MAPK8IP2: variants seen among roughly 807,000 people sequenced by gnomAD.
MAPK8IP2 encodes the protein mitogen-activated protein kinase 8 interacting protein 2.
MAPK8IP2 carries 15 observed loss-of-function variants against 75.6 expected under a neutral mutation model. That is an observed-to-expected ratio of 0.20 (90% CI 0.13 to 0.31). The LOEUF (loss-of-function observed/expected upper bound fraction) is 0.31. Ranked by LOEUF, MAPK8IP2 falls within the 10% of genes least tolerant of loss-of-function variation. The probability of loss-of-function intolerance (pLI) is 1.00; values close to 1 mark genes in which losing one functional copy is unlikely to be tolerated. For synonymous variants in MAPK8IP2, 632 were observed against 554.5 expected (o/e 1.14, Z -1.96); for missense variants, 1,089 against 1,211.2 (o/e 0.90, Z 1.50).
In MAPK8IP2 at chr22:50,600,828, C is replaced by T; in HGVS notation, c.10C>T (p.Arg4Cys). ...GCCTCTCCCGGAGAAGATGGCGGATCGCGCGGAGATGTTTTCTCTCTCCAC... is the reference window on the plus strand; with the variant it reads ...GCCTCTCCCGGAGAAGATGGCGGATTGCGCGGAGATGTTTTCTCTCTCCAC... The part of the protein sequence containing the change: MAD[R>C]AEMFSLSTFH... The change falls in exon 1 of 12, where the codon CGC becomes TGC. Residue 4 changes from arginine to cysteine, a missense_variant. By Grantham distance (180) the Arg-to-Cys change is radical. This residue lies in a region of MAPK8IP2 where 960 missense variants were observed against 1,009.6 expected (regional missense o/e 0.95). Coordinates refer to ENST00000329492, the MANE Select transcript of MAPK8IP2 (RefSeq NM_012324.6). 1 of 1,297,116 alleles carries T rather than the reference C, an allele frequency of 7.7e-7. No individual in the cohort carries two copies. Among genetic ancestry groups the T allele is most frequent in the Admixed American group, 2.7e-5 (1 of 37,648 alleles). The allele number at this position is 1,297,116 out of a possible 1,614,324, so 80.4% of individuals were successfully genotyped here. A position where few individuals can be genotyped will look rare whatever the true frequency, so the allele number is the denominator to read the frequency against.
At chr22:50,606,579 G>A in intron 8 of MAPK8IP2, 79 bp from the exon 9 acceptor site, 4 of 956,418 alleles carry the variant, frequency 4.2e-6, no homozygotes, top group Non-Finnish European at 6.6e-6. Flanking sequence ...AAAAGGAGCA[G>A]AGGCGTAGTC....
In MAPK8IP2 at chr22:50,613,190, C is replaced by T. The variant is rs2071178427; in HGVS notation, c.*2411C>T. ...ACCACTGGGCAGATCCAGCTGACCT[C>T]CAGGGGCACTTCCTCGGCTCATCAC... On this transcript the variant is annotated 3_prime_UTR_variant, in exon 12 of 12. Coordinates refer to ENST00000329492, the MANE Select transcript of MAPK8IP2 (RefSeq NM_012324.6). 6.6e-6 allele frequency: 1 copy of T among 152,340 alleles called. No individual in the cohort carries two copies. The highest frequency in any genetic ancestry group is 2.4e-5 in the African/African-American group (1 of 41,440). The allele number at this position is 152,340 out of a possible 1,614,324, so 9.4% of individuals were successfully genotyped here. A position where few individuals can be genotyped will look rare whatever the true frequency, so the allele number is the denominator to read the frequency against.
intron 4 of MAPK8IP2, 37 bp downstream of exon 4, chr22:50,603,756 G>A (rs1410752154): frequency 1.3e-6 from 2 of 1,547,808 alleles, no homozygotes; most frequent in South Asian, 2.4e-5. Flanking sequence ...CGGGGAAGCG[G>A]GGGAGGAGGG....
chr22:50,603,104 G>A (rs758363734), intron 2 of MAPK8IP2, 119 bp from the exon 3 acceptor site: 4 of 1,578,334 alleles, frequency 2.5e-6, no homozygotes, highest in Middle Eastern at 1.7e-4. Context: ...GAGGGGCAGA[G>A]TGAGCTGGAA....
intron 10 of MAPK8IP2, among the ~76,000 whole-genome samples, chr22:50,608,733 C>T (rs2071093697): frequency 6.9e-6 from 1 of 145,712 alleles, no homozygotes; most frequent in African/African-American, 2.6e-5. Context: ...GGGCGCAGAC[C>T]AGACAGTGGG....
intron 8 of MAPK8IP2, 110 bp downstream of exon 8, chr22:50,606,044 C>T (rs964391629): frequency 1.1e-6 from 1 of 917,662 alleles, no homozygotes. Flanking sequence ...CTGATTTCCT[C>T]CAGGGAGGGT....
rs131736 is a variant in MAPK8IP2 at position 50,607,005 on chromosome 22, C to T, written c.2303+14C>T. 0.63 allele frequency: 1,013,285 copies of T among 1,608,396 alleles called. 322,437 individuals are homozygous for T. The highest frequency in any genetic ancestry group is 0.81 in the East Asian group (36,494 of 44,844). ...CCGCAACAGCTGGTGAGAGTCTGAC[C>T]GTCCCCGAGTCCCCCAACCGCCCCC... is the stretch of plus-strand genomic sequence containing the variant. On this transcript the variant is annotated intron_variant, in intron 10 of 11. Coordinates refer to ENST00000329492, the MANE Select transcript of MAPK8IP2 (RefSeq NM_012324.6). This position sits in a 1 kb window ranked among gnomAD's most constrained non-coding sequence, Gnocchi z 5.6.
At chr22:50,606,067 G>T (rs73172271) in intron 8 of MAPK8IP2, 133 bp downstream of exon 8, 25,188 of 762,548 alleles carry the variant, frequency 0.033, 516 homozygotes, top group Non-Finnish European at 0.041. Context: ...GGGGGATGCT[G>T]CAGGGGGAGC....
In MAPK8IP2 at chr22:50,613,772, C is replaced by G. The variant is rs2071185504; in HGVS notation, c.*2993C>G. 1 of 152,278 alleles carries G rather than the reference C, an allele frequency of 6.6e-6. No individual in the cohort carries two copies. The highest frequency in any genetic ancestry group is 2.1e-4 in the South Asian group (1 of 4,836). 9.4% of individuals were successfully genotyped at this position (152,278 alleles called of 1,614,324 possible). On this transcript the variant is annotated 3_prime_UTR_variant, in exon 12 of 12. Coordinates refer to ENST00000329492, the MANE Select transcript of MAPK8IP2 (RefSeq NM_012324.6). Reference sequence around the variant, plus strand: ...TCCCGTCCTTGTGGGCGCTCCCGGGCCCTGGTCTCGGGCCTTCTGAGGACT... The same window carrying G: ...TCCCGTCCTTGTGGGCGCTCCCGGGGCCTGGTCTCGGGCCTTCTGAGGACT...
chr22:50,604,659 G>A lies in MAPK8IP2; in HGVS notation c.1360G>A (p.Gly454Ser). The A allele has an allele frequency of 2.0e-6, 3 of 1,520,998 alleles. No homozygotes were observed. The highest frequency in any genetic ancestry group is 2.6e-6 in the Non-Finnish European group (3 of 1,139,308). The allele number at this position is 1,520,998 out of a possible 1,614,324, so 94.2% of individuals were successfully genotyped here. ...DTITPLWAAPGRAARPGRACS... is the reference protein window; with the variant it reads ...DTITPLWAAPSRAARPGRACS... ...CATCACGCCGCTGTGGGCCGCGCCC[G>A]GCCGCGCCGCCCGCCCGGGACGAGC... The change falls in exon 5 of 12, where the codon GGC becomes AGC. Residue 454 changes from glycine to serine, a missense_variant. Gly to Ser is a moderately conservative substitution (Grantham distance 56, BLOSUM62 0). Transcript: ENST00000329492.
In MAPK8IP2 at chr22:50,604,694, C is replaced by T. The variant is rs767572885; in HGVS notation, c.1395C>T (p.Ala465=). ...CCCGCCCGGGACGAGCCTGCTCCGCCGCCTGCTCCGAGGAGGAGGACGAAG... is the reference window on the plus strand; with the variant it reads ...CCCGCCCGGGACGAGCCTGCTCCGCTGCCTGCTCCGAGGAGGAGGACGAAG... ...RAARPGRACS[A]ACSEEEDEED... The change falls in exon 5 of 12, where the codon GCC becomes GCT. Residue 465 remains alanine, a synonymous_variant. Coordinates refer to ENST00000329492, the MANE Select transcript of MAPK8IP2 (RefSeq NM_012324.6). 99 of 1,526,418 alleles carry T rather than the reference C, an allele frequency of 6.5e-5. No homozygotes were observed. The highest frequency in any genetic ancestry group is 4.4e-4 in the African/African-American group (32 of 71,950). The allele number at this position is 1,526,418 out of a possible 1,614,324, so 94.6% of individuals were successfully genotyped here.
chr22:50,608,018 G>A (rs994477079), intron 10 of MAPK8IP2, among the ~76,000 whole-genome samples: 3 of 152,130 alleles, frequency 2.0e-5, no homozygotes, highest in Non-Finnish European at 2.9e-5. Flanking sequence ...GGCTGGAAAG[G>A]ACTTGCGGGG....
At chr22:50,605,792 C>T (rs763661403) in intron 7 of MAPK8IP2, 33 bp from the exon 8 acceptor site, 3 of 1,594,410 alleles carry the variant, frequency 1.9e-6, no homozygotes, top group South Asian at 2.3e-5. Flanking sequence ...TGTGCCCCTG[C>T]CTGACCTGGG....
Position 50,607,137 on chromosome 22 carries a change from G to T in MAPK8IP2, c.2303+146G>T, listed in dbSNP as rs1212826821. ...GCACCCACTTAGCTCTGTGAGCTGA[G>T]CCTGCAGTGGCGCCTGCTCTGAGCT... On this transcript the variant is annotated intron_variant, in intron 10 of 11. Transcript: ENST00000329492. The surrounding 1 kb of genome is among the most constrained non-coding windows in gnomAD (Gnocchi z 5.6). 1.2e-5 allele frequency: 8 copies of T among 676,544 alleles called. No individual in the cohort carries two copies. The highest frequency in any genetic ancestry group is 2.1e-5 in the Non-Finnish European group (8 of 377,450). 41.9% of individuals were successfully genotyped at this position (676,544 alleles called of 1,614,324 possible). A position where few individuals can be genotyped will look rare whatever the true frequency, so the allele number is the denominator to read the frequency against.
Position 50,603,874 on chromosome 22 carries a change from G to A in MAPK8IP2, c.575G>A (p.Gly192Glu), listed in dbSNP as rs113636541. 36 of 1,534,158 alleles carry A rather than the reference G, an allele frequency of 2.3e-5. No homozygotes were observed. The highest frequency in any genetic ancestry group is 3.1e-5 in the Non-Finnish European group (35 of 1,142,676). ...GGCCCCCTCCCTGCCACGGACACCG[G>A]GCCCGGCGGGGCGCAGTCGCCAGTG... is the stretch of plus-strand genomic sequence containing the variant. Reference protein sequence around the residue: ...LPGPLPATDTGPGGAQSPVRP... With the variant: ...LPGPLPATDTEPGGAQSPVRP... Residue 192 changes from glycine to glutamate, a missense_variant, in exon 5 of 12, where the codon GGG becomes GAG. Gly to Glu is a moderately conservative substitution (Grantham distance 98). Around this residue, in one of 2 missense-constraint regions of MAPK8IP2, gnomAD observed 960 missense variants for 1,009.6 expected, o/e 0.95. Coordinates refer to ENST00000329492, the MANE Select transcript of MAPK8IP2 (RefSeq NM_012324.6).
Position 50,606,986 on chromosome 22 carries a change from C to T in MAPK8IP2, c.2298C>T (p.Asn766=), listed in dbSNP as rs1311532030. The change falls in exon 10 of 12, where the codon AAC becomes AAT. Residue 766 remains asparagine (N), a synonymous_variant. Transcript: ENST00000329492. ...NISFCGCHPR[N]SCYFGFITKH... The stretch of plus-strand genomic sequence containing the variant: ...CCTTCTGCGGCTGCCATCCCCGCAA[C>T]AGCTGGTGAGAGTCTGACCGTCCCC... 4 of 1,613,494 alleles carry T rather than the reference C, an allele frequency of 2.5e-6. No individual in the cohort carries two copies. Among genetic ancestry groups the T allele is most frequent in the African/African-American group, 2.7e-5 (2 of 74,932 alleles).
chr22:50,607,049 A>C lies in MAPK8IP2; in HGVS notation c.2303+58A>C. 1.4e-6 allele frequency: 2 copies of C among 1,443,778 alleles called. No individual in the cohort carries two copies. Among genetic ancestry groups the C allele is most frequent in the Non-Finnish European group, 1.9e-6 (2 of 1,026,210 alleles). 89.4% of individuals were successfully genotyped at this position (1,443,778 alleles called of 1,614,324 possible). On this transcript the variant is annotated intron_variant, in intron 10 of 11. Coordinates refer to ENST00000329492, the MANE Select transcript of MAPK8IP2 (RefSeq NM_012324.6). The surrounding 1 kb of genome is among the most constrained non-coding windows in gnomAD (Gnocchi z 5.6). Reference sequence around the variant, plus strand: ...CGCCCCCACAAACCCTGAGAGTCCAACCGCCCCCTGAGTCCCCACAGACCC... The same window carrying C: ...CGCCCCCACAAACCCTGAGAGTCCACCCGCCCCCTGAGTCCCCACAGACCC...
rs1325128288 is a variant in MAPK8IP2 at position 50,613,769 on chromosome 22, G to T, written c.*2990G>T. On this transcript the variant is annotated 3_prime_UTR_variant, in exon 12 of 12. Transcript: ENST00000329492. ...ACCTCCCGTCCTTGTGGGCGCTCCC[G>T]GGCCCTGGTCTCGGGCCTTCTGAGG... The T allele has an allele frequency of 6.6e-6, 1 of 152,160 alleles. No individual in the cohort carries two copies. The highest frequency in any genetic ancestry group is 1.9e-4 in the East Asian group (1 of 5,186). 9.4% of individuals were successfully genotyped at this position (152,160 alleles called of 1,614,324 possible).
At position 50,607,316 on chromosome 22, in the gene MAPK8IP2, C is replaced by G. The variant is rs4824114; in HGVS notation, c.2303+325C>G. ...AGCCTGGAAACACAGCAGGTGACAG[C>G]GGTGGGGAAGTGGATCTTCCTGGTG... On this transcript the variant is annotated intron_variant, in intron 10 of 11. Coordinates refer to ENST00000329492, the MANE Select transcript of MAPK8IP2 (RefSeq NM_012324.6). The surrounding 1 kb of genome is among the most constrained non-coding windows in gnomAD (Gnocchi z 5.6). Among the ~76,000 whole-genome samples, 109,734 of 152,016 alleles carry G rather than the reference C, an allele frequency of 0.72. 39,945 individuals are homozygous for G. Among genetic ancestry groups the G allele is most frequent in the East Asian group, 0.98 (5,089 of 5,174 alleles).
Sources: gnomAD v4.1 joint callset for allele counts (sites outside exome capture counted in the v4.1 genomes callset) on GRCh38, gnomAD v4.1.1 for gene constraint, gnomAD v4.1.1 regional missense constraint, Gnocchi (gnomAD v3.1) non-coding constraint, MANE v1.5 for transcripts, NCBI Gene and HGNC (gene_info 2026-07-23, HGNC 2026-07-21) for gene names.